Variants in GABRB3 observed in about 807,000 individuals in gnomAD.
GABRB3 encodes the protein gamma-aminobutyric acid type A receptor subunit beta3.
GABRB3 carries 14 observed loss-of-function variants against 52.1 expected under a neutral mutation model. The ratio of observed to expected loss-of-function variants is 0.27; its 90% confidence interval spans 0.18 to 0.42. The LOEUF is 0.42. Among genes scored for constraint, GABRB3 ranks in the 10% least tolerant of loss-of-function variants. The pLI is 1.00. For synonymous variants in GABRB3, 260 were observed against 232.3 expected (o/e 1.12, Z -1.08); for missense variants, 307 against 609.1 (o/e 0.50, Z 5.22).
chr15:26,549,569 T>TAATA (rs1198247771), intron 8 of GABRB3, among the ~76,000 whole-genome samples: 3 of 152,182 alleles, frequency 2.0e-5, no homozygotes, highest in African/African-American at 7.2e-5. Context: ...CAACCTTGTG[T>TAATA]AATAACATGG....
intron 3 of GABRB3, among the ~76,000 whole-genome samples, chr15:26,713,394 A>G (rs2140132911): frequency 6.6e-6 from 1 of 152,248 alleles, no homozygotes; most frequent in Admixed American, 6.5e-5. Context: ...GAGTGGACGC[A>G]CAGGAGAGGG....
intron 3 of GABRB3, among the ~76,000 whole-genome samples, chr15:26,757,082 T>C (rs1056439862): frequency 6.6e-6 from 1 of 152,196 alleles, no homozygotes; most frequent in African/African-American, 2.4e-5. Context: ...CTGGTATATA[T>C]CTACCTTCTG....
chr15:26,629,038 T>C, intron 3 of GABRB3: 2 of 1,536,148 alleles, frequency 1.3e-6, no homozygotes, highest in Non-Finnish European at 8.7e-7. Context: ...ATCCCGGTGC[T>C]GAGGTCCCAA....
intron 3 of GABRB3, among the ~76,000 whole-genome samples, chr15:26,758,207 G>T (rs1169168421): frequency 6.6e-6 from 1 of 152,184 alleles, no homozygotes. Flanking sequence ...CTGACTGACG[G>T]TTCCTATTAA....
intron 3 of GABRB3, among the ~76,000 whole-genome samples, chr15:26,638,384 C>T (rs140787332): frequency 8.4e-4 from 128 of 152,290 alleles, no homozygotes; most frequent in African/African-American, 2.8e-3. Flanking sequence ...CCAGGATAGA[C>T]GGCACCTCTG....
chr15:26,575,698 T>C (rs1595452724), intron 6 of GABRB3, among the ~76,000 whole-genome samples: 1 of 152,284 alleles, frequency 6.6e-6, no homozygotes, highest in South Asian at 2.1e-4. Flanking sequence ...TGATCATTAA[T>C]AAGAAAATAA....
intron 4 of GABRB3, among the ~76,000 whole-genome samples, chr15:26,594,451 T>A (rs112196745): frequency 0.053 from 8,088 of 152,260 alleles, 272 homozygotes; most frequent in Non-Finnish European, 0.081. Flanking sequence ...CAGTGAAGTC[T>A]CTGTTGCTTT....
intron 6 of GABRB3, among the ~76,000 whole-genome samples, chr15:26,575,882 G>C (rs919989441): frequency 6.6e-6 from 1 of 152,194 alleles, no homozygotes; most frequent in Non-Finnish European, 1.5e-5. Context: ...AAAAGGAAGA[G>C]AAAGACAAAC....
intron 5 of GABRB3, among the ~76,000 whole-genome samples, chr15:26,581,652 C>G (rs1033950108): frequency 6.6e-6 from 1 of 152,200 alleles, no homozygotes; most frequent in Admixed American, 6.5e-5. Flanking sequence ...GTGCTCTGCC[C>G]AGGGCTCCTG....
intron 3 of GABRB3, among the ~76,000 whole-genome samples, chr15:26,746,524 A>G (rs1890344065): frequency 6.6e-6 from 1 of 151,280 alleles, no homozygotes; most frequent in African/African-American, 2.4e-5. Context: ...CCTATGTCCT[A>G]AAGATGTTTT....
chr15:26,761,613 A>G (rs983007477), intron 3 of GABRB3, among the ~76,000 whole-genome samples: 11 of 152,118 alleles, frequency 7.2e-5, no homozygotes, highest in Admixed American at 3.3e-4. Flanking sequence ...GAATATATTC[A>G]AAGATGGAAT....
At chr15:26,761,404 A>G (rs1368715869) in intron 3 of GABRB3, among the ~76,000 whole-genome samples, 4 of 151,746 alleles carry the variant, frequency 2.6e-5, no homozygotes, top group Admixed American at 2.6e-4. Flanking sequence ...CAAAAAAAAA[A>G]ATACAATATT....
At chr15:26,720,250 G>A (rs367627390) in intron 3 of GABRB3, among the ~76,000 whole-genome samples, 32 of 151,810 alleles carry the variant, frequency 2.1e-4, no homozygotes, top group African/African-American at 7.5e-4. Context: ...TCTCTTTTCA[G>A]ACTCAGCCCG....
intron 3 of GABRB3, among the ~76,000 whole-genome samples, chr15:26,622,919 T>A (rs1892541139): frequency 6.6e-6 from 1 of 152,172 alleles, no homozygotes; most frequent in African/African-American, 2.4e-5. Flanking sequence ...AAAGTCCAAA[T>A]GGGCTGGACA....
At chr15:26,666,475 G>C (rs1208592279) in intron 3 of GABRB3, 2 of 152,224 alleles carry the variant, frequency 1.3e-5, no homozygotes, top group Non-Finnish European at 1.5e-5. Context: ...GACCCTGCCA[G>C]GCTTGTCACG....
intron 5 of GABRB3, 107 bp downstream of exon 5, chr15:26,583,221 CTCTT>C (rs951921776): frequency 6.9e-5 from 56 of 814,904 alleles, no homozygotes; most frequent in African/African-American, 1.9e-4. Flanking sequence ...GTGTCTTCCC[CTCTT>C]TCTATGTCAA....
At chr15:26,688,584 A>G (rs1888480579) in intron 3 of GABRB3, among the ~76,000 whole-genome samples, 1 of 152,158 alleles carries the variant, frequency 6.6e-6, no homozygotes, top group Non-Finnish European at 1.5e-5. Context: ...TGTGTCACCG[A>G]TGCTATTTGT....
rs559798135 is a variant in GABRB3 at position 26,595,974 on chromosome 15, T to C, written c.462-12560A>G. On this transcript the variant is annotated intron_variant, in intron 4 of 8. Coordinates refer to ENST00000311550, the MANE Select transcript of GABRB3 (RefSeq NM_000814.6). ...AAAGACATGGCCCCTGTTCGTAAGT[T>C]CTCATTAAATGTGTCTTTCTAACAA... 1.0e-3 allele frequency among the ~76,000 whole-genome samples: 159 copies of C among 152,264 alleles called. 1 individual carries two copies. The highest frequency in any genetic ancestry group is 3.7e-3 in the African/African-American group (155 of 41,552).
chr15:26,749,452 C>G (rs1277062924), intron 3 of GABRB3, among the ~76,000 whole-genome samples: 1 of 152,158 alleles, frequency 6.6e-6, no homozygotes, highest in Non-Finnish European at 1.5e-5. Context: ...GGTTTATCTT[C>G]TGAAATGCTC....
Sources: allele counts gnomAD v4.1 joint callset (sites outside exome capture counted in the v4.1 genomes callset), GRCh38; gene constraint gnomAD v4.1.1; transcripts MANE v1.5; gene names NCBI Gene and HGNC (gene_info 2026-07-23, HGNC 2026-07-21).